Variants in HAT1 observed in about 807,000 individuals in gnomAD.
The protein encoded by HAT1 is histone acetyltransferase type B catalytic subunit.
HAT1 carries 20 observed loss-of-function variants against 56.6 expected under a neutral mutation model. The observed-to-expected ratio is 0.35, with a 90% CI of 0.25 to 0.51. The LOEUF is 0.51. HAT1 is among the 20% of genes least tolerant of loss of function. HAT1 has a pLI of 0.95. For missense variants in HAT1, 408 were observed against 504.3 expected, an observed-to-expected ratio of 0.81 and a Z score of 1.83; for synonymous variants, 146 against 165.5, an observed-to-expected ratio of 0.88 and a Z score of 0.91.
intron 2 of HAT1, among the ~76,000 whole-genome samples, chr2:171,943,731 A>G (rs989355584): frequency 1.3e-4 from 19 of 145,196 alleles, no homozygotes; most frequent in African/African-American, 3.7e-4. Flanking sequence ...ACATTCATAT[A>G]TATATATATA....
At chr2:171,941,755 A>T (rs936753976) in intron 2 of HAT1, among the ~76,000 whole-genome samples, 1 of 152,032 alleles carries the variant, frequency 6.6e-6, no homozygotes, top group African/African-American at 2.4e-5. Context: ...CTTACCCATT[A>T]CTCATCTCCT....
rs1306815326 is a variant in HAT1 at position 171,935,878 on chromosome 2, TCAAAAAA to T, written c.112+10250_112+10256del. On this transcript the variant is annotated intron_variant, in intron 2 of 10. Transcript: ENST00000264108. The stretch of plus-strand genomic sequence containing the variant: ...CTGGGTGACAGAGCCAGACCCTGTC[TCAAAAAA>T]CAAAAAACAAAACAAAAAAGAATTG... 4.0e-5 allele frequency among the ~76,000 whole-genome samples: 6 copies of T among 151,708 alleles called. No homozygotes were observed. In the East Asian group the frequency reaches 5.8e-4, roughly 15 times the overall value.
intron 4 of HAT1, among the ~76,000 whole-genome samples, chr2:171,956,258 T>C (rs891184864): frequency 1.7e-4 from 24 of 144,270 alleles, no homozygotes; most frequent in South Asian, 4.3e-4. Context: ...CCAAGGTAGG[T>C]AGATCACTTG....
At chr2:171,949,579 C>T (rs538189137) in intron 3 of HAT1, among the ~76,000 whole-genome samples, 1 of 151,546 alleles carries the variant, frequency 6.6e-6, no homozygotes, top group Non-Finnish European at 1.5e-5. Flanking sequence ...GAAGCTGAGG[C>T]AGGAGAATTG....
chr2:171,966,271 C>T, intron 6 of HAT1, 138 bp from the exon 7 acceptor site: 2 of 672,260 alleles, frequency 3.0e-6, no homozygotes, highest in Admixed American at 2.3e-5. Flanking sequence ...ACATTCAGAA[C>T]ATAGCAGGTG....
intron 8 of HAT1, among the ~76,000 whole-genome samples, chr2:171,969,102 C>T (rs961211083): frequency 6.6e-6 from 1 of 152,166 alleles, no homozygotes; most frequent in Non-Finnish European, 1.5e-5. Context: ...AGATACTATT[C>T]TCTTAAGATG....
rs544419396 is a variant in HAT1 at position 171,925,337 on chromosome 2, T to C, written c.8-200T>C. On this transcript the variant is annotated intron_variant, in intron 1 of 10. Transcript: ENST00000264108. ...CACCCACCTCAGCCTCCCAGAGTGC[T>C]GGGATTACAGGCGTGAGCCACCGTG... is the stretch of plus-strand genomic sequence containing the variant. Among the ~76,000 whole-genome samples, 142 of 152,326 alleles carry C rather than the reference T, an allele frequency of 9.3e-4. 1 individual carries two copies. Among genetic ancestry groups the C allele is most frequent in the Non-Finnish European group, 1.6e-3 (108 of 68,014 alleles).
intron 2 of HAT1, among the ~76,000 whole-genome samples, chr2:171,941,819 C>T (rs898746714): frequency 6.6e-6 from 1 of 152,192 alleles, no homozygotes; most frequent in Admixed American, 6.5e-5. Flanking sequence ...TGTTTGGGGG[C>T]CCCTCCTATA....
chr2:171,938,023 A>AC (rs1686912977), intron 2 of HAT1, among the ~76,000 whole-genome samples: 3 of 55,464 alleles, frequency 5.4e-5, no homozygotes, highest in Non-Finnish European at 7.3e-5. Context: ...CTGTCTACTG[A>AC]TTCTCTCTCT....
At chr2:171,964,321 G>A (rs1270902760) in intron 4 of HAT1, among the ~76,000 whole-genome samples, 3 of 152,154 alleles carry the variant, frequency 2.0e-5, no homozygotes, top group African/African-American at 7.2e-5. Flanking sequence ...AAGTGTTCTT[G>A]TGTCAGTCCT....
intron 2 of HAT1, among the ~76,000 whole-genome samples, chr2:171,939,960 A>G (rs1173756368): frequency 6.6e-6 from 1 of 152,028 alleles, no homozygotes; most frequent in African/African-American, 2.4e-5. Flanking sequence ...GTGTAGAGAA[A>G]GGGTATCACT....
At chr2:171,965,144 A>G (rs1325722098) in intron 4 of HAT1, 194 bp from the exon 5 acceptor site, 5 of 539,188 alleles carry the variant, frequency 9.3e-6, no homozygotes, top group Non-Finnish European at 1.7e-5. Flanking sequence ...CTTTTATATT[A>G]TGCTCATCTC....
Position 171,966,845 on chromosome 2 carries a change from A to C in HAT1, c.719A>C (p.Gln240Pro). Residue 240 changes from glutamine (Q) to proline (P), a missense_variant and splice_region_variant, in exon 8 of 11, where the codon CAG becomes CCG. By Grantham distance (76) the Gln-to-Pro change is moderately conservative. Coordinates refer to ENST00000264108, the MANE Select transcript of HAT1 (RefSeq NM_003642.4). Reference protein sequence around the residue: ...YPDKTRPRVSQMLILTPFQGQ... With the variant: ...YPDKTRPRVSPMLILTPFQGQ... ...TTAAAATAATTTCTTTACTGTAGTC[A>C]GATGCTGATTTTGACTCCATTTCAA... 6.8e-7 allele frequency: 1 copy of C among 1,478,892 alleles called. No homozygotes were observed. Among genetic ancestry groups the C allele is most frequent in the South Asian group, 1.1e-5 (1 of 87,000 alleles). 91.6% of individuals were successfully genotyped at this position (1,478,892 alleles called of 1,614,324 possible). A position where few individuals can be genotyped will look rare whatever the true frequency, so the allele number is the denominator to read the frequency against.
At chr2:171,963,632 A>G (rs1687624313) in intron 4 of HAT1, among the ~76,000 whole-genome samples, 1 of 152,182 alleles carries the variant, frequency 6.6e-6, no homozygotes, top group East Asian at 1.9e-4. Context: ...TTGGCTTTTT[A>G]AAAACCTTAA....
intron 10 of HAT1, among the ~76,000 whole-genome samples, chr2:171,981,490 G>A (rs555562404): frequency 2.4e-4 from 36 of 152,262 alleles, no homozygotes; most frequent in Non-Finnish European, 4.9e-4. Context: ...AGTCTTGAAT[G>A]CTGATGGTTC....
chr2:171,974,766 T>C (rs1305827374), intron 8 of HAT1, among the ~76,000 whole-genome samples: 1 of 152,246 alleles, frequency 6.6e-6, no homozygotes, highest in Non-Finnish European at 1.5e-5. Context: ...TAGTTGATTA[T>C]TGAGCGTTTT....
chr2:171,963,176 G>A lies in HAT1; in HGVS notation c.310-2162G>A, dbSNP rs545457802. On this transcript the variant is annotated intron_variant, in intron 4 of 10. Transcript: ENST00000264108. ...TTTGGTTTTAAGTTGTATATTTTAT[G>A]TAAGTATATCAGATACATATTTATA... Among the ~76,000 whole-genome samples, 56 of 150,180 alleles carry A rather than the reference G, an allele frequency of 3.7e-4. No individual in the cohort carries two copies. The East Asian group carries it at 5.6e-3, about 15-fold the overall frequency.
At chr2:171,940,751 G>A (rs931617309) in intron 2 of HAT1, among the ~76,000 whole-genome samples, 2 of 152,188 alleles carry the variant, frequency 1.3e-5, no homozygotes, top group Non-Finnish European at 2.9e-5. Flanking sequence ...TGGTCACCAT[G>A]TACTATACAC....
chr2:171,977,557 A>ATATATATTTT (rs1271452199), intron 9 of HAT1, among the ~76,000 whole-genome samples: 9 of 16,318 alleles, frequency 5.5e-4, no homozygotes, highest in Non-Finnish European at 7.6e-4. Flanking sequence ...ATATATATAT[A>ATATATATTTT]TTTTTTTTTT....
Sources: gnomAD v4.1 joint callset for allele counts (sites outside exome capture counted in the v4.1 genomes callset) on GRCh38, gnomAD v4.1.1 for gene constraint, MANE v1.5 for transcripts, NCBI Gene and HGNC (gene_info 2026-07-23, HGNC 2026-07-21) for gene names.